The following MCF2L variants were observed in gnomAD, a reference collection of about 807,000 sequenced individuals.
MCF2L encodes guanine nucleotide exchange factor DBS.
Under a neutral mutation model 153.4 loss-of-function variants are expected in MCF2L, and 97 were observed. That is an observed-to-expected ratio of 0.63 (90% CI 0.54 to 0.75). The LOEUF is 0.75. MCF2L is among the 30% of genes least tolerant of loss of function. The pLI, the probability that MCF2L is intolerant of heterozygous loss-of-function variation, is 0.00. For missense variants in MCF2L, 1,347 were observed against 1,495.2 expected (o/e 0.90, Z 1.64); for synonymous variants, 659 against 632.2 (o/e 1.04, Z -0.64).
At chr13:113,066,217 C>T (rs752863240) in intron 8 of MCF2L, 47 bp downstream of exon 8, 2 of 1,546,390 alleles carry the variant, frequency 1.3e-6, no homozygotes, top group Non-Finnish European at 8.7e-7. Context: ...CAGTCCATGG[C>T]AGGATCCTCT....
chr13:112,973,359 A>G (rs1299191530), intron 1 of MCF2L, among the ~76,000 whole-genome samples: 1 of 152,218 alleles, frequency 6.6e-6, no homozygotes, highest in Non-Finnish European at 1.5e-5. Flanking sequence ...TTAGGTCTCT[A>G]ATTAGATAGG....
intron 15 of MCF2L, among the ~76,000 whole-genome samples, 193 bp from the exon 16 acceptor site, chr13:113,081,020 C>T (rs1031993603): frequency 5.9e-5 from 9 of 152,218 alleles, no homozygotes; most frequent in East Asian, 1.9e-4. Context: ...CTTCAGCCGC[C>T]GTCTGCAGGG....
chr13:112,939,260 C>T (rs1258696178), intron 2 of MCF2L, among the ~76,000 whole-genome samples: 2 of 152,302 alleles, frequency 1.3e-5, no homozygotes, highest in East Asian at 3.9e-4. Flanking sequence ...GCAGGTTTCT[C>T]AGCCTCCACG....
In MCF2L at chr13:113,016,616, C is replaced by T. The variant is rs190075382; in HGVS notation, c.163+1770C>T. The stretch of plus-strand genomic sequence containing the variant: ...GAGTCCCCTGTGGTACTGCTGCCCC[C>T]GCGTCATATGCTGCCCCCGCGTCGT... On this transcript the variant is annotated intron_variant, in intron 2 of 29. Transcript: ENST00000535094. Among the ~76,000 whole-genome samples, 808 of 146,198 alleles carry T rather than the reference C, an allele frequency of 5.5e-3. 9 individuals are homozygous for T. Among genetic ancestry groups the T allele is most frequent in the Non-Finnish European group, 8.1e-3 (530 of 65,228 alleles).
At chr13:112,919,396 G>A (rs938501769) in intron 2 of MCF2L, among the ~76,000 whole-genome samples, 1 of 151,444 alleles carries the variant, frequency 6.6e-6, no homozygotes, top group East Asian at 1.9e-4. Flanking sequence ...TAGTAGAGAC[G>A]GGGTTTCACC....
At chr13:112,985,539 G>A (rs1000130083) in intron 1 of MCF2L, 22 of 458,500 alleles carry the variant, frequency 4.8e-5, no homozygotes, top group African/African-American at 3.2e-4. Context: ...CAGTCGAGGC[G>A]GCCTCTGGGT....
At chr13:113,090,628 C>T in intron 26 of MCF2L, 1 of 985,462 alleles carries the variant, frequency 1.0e-6, no homozygotes, top group South Asian at 4.7e-5. Flanking sequence ...TGCGAGAGCT[C>T]CATGATGGGA....
chr13:112,999,392 A>ACGCCCTCTCCTTAGAGGACAGCCTCTGC (rs1347713535), intron 1 of MCF2L, among the ~76,000 whole-genome samples: 116 of 152,108 alleles, frequency 7.6e-4, no homozygotes, highest in Middle Eastern at 6.8e-3. Context: ...TCCCCACACG[A>ACGCCCTCTCCTTAGAGGACAGCCTCTGC]CGCCCTCTCC....
intron 2 of MCF2L, among the ~76,000 whole-genome samples, chr13:113,021,548 C>G (rs902541446): frequency 1.3e-5 from 2 of 152,198 alleles, no homozygotes; most frequent in Non-Finnish European, 2.9e-5. Flanking sequence ...TTCTGAACCA[C>G]AGAGGAGCTT....
rs2035827697 is a variant in MCF2L, at chr13:113,099,148, G to C, written c.*2289G>C. On this transcript the variant is annotated 3_prime_UTR_variant, in exon 30 of 30. Coordinates refer to ENST00000535094, the MANE Select transcript of MCF2L (RefSeq NM_001112732.3). Reference sequence around the variant, plus strand: ...ATGACCTGAAATGGGATTCAGGACAGTTCATAGAGTAAAGGGGGCTGCGTG... The same window carrying C: ...ATGACCTGAAATGGGATTCAGGACACTTCATAGAGTAAAGGGGGCTGCGTG... The C allele has an allele frequency of 6.6e-6, 1 of 152,240 alleles. No individual in the cohort carries two copies. The highest frequency in any genetic ancestry group is 6.5e-5 in the Admixed American group (1 of 15,284). 9.4% of individuals were successfully genotyped at this position (152,240 alleles called of 1,614,324 possible).
At chr13:112,897,018 G>A (rs969597420) in intron 1 of MCF2L, among the ~76,000 whole-genome samples, 1 of 152,168 alleles carries the variant, frequency 6.6e-6, no homozygotes, top group Non-Finnish European at 1.5e-5. Flanking sequence ...GAGGAGGCCA[G>A]GCCGGCAGAG....
chr13:113,084,850 C>T (rs1162931484), intron 18 of MCF2L, 42 bp from the exon 19 acceptor site: 1 of 1,472,058 alleles, frequency 6.8e-7, no homozygotes, highest in Non-Finnish European at 9.5e-7. Context: ...GATGCGCTGC[C>T]CATCCCTCAC....
At chr13:113,012,792 G>A (rs2084249710) in intron 1 of MCF2L, among the ~76,000 whole-genome samples, 2 of 109,892 alleles carry the variant, frequency 1.8e-5, no homozygotes, top group African/African-American at 6.9e-5. Context: ...TGGACACTGT[G>A]ATGCGGACGG....
In MCF2L at chr13:113,088,631, G is replaced by A. The variant is rs1456823789; in HGVS notation, c.2834+3G>A. ...CTGCCGGCCCCGACCAGCACCAGGTGAGAATGGACACGCTGCCGCAGGCCT... is the reference window on the plus strand; with the variant it reads ...CTGCCGGCCCCGACCAGCACCAGGTAAGAATGGACACGCTGCCGCAGGCCT... On this transcript the variant is annotated splice_donor_region_variant and intron_variant, in intron 25 of 29. Coordinates refer to ENST00000535094, the MANE Select transcript of MCF2L (RefSeq NM_001112732.3). 1.2e-6 allele frequency: 2 copies of A among 1,605,964 alleles called. No individual in the cohort carries two copies. The highest frequency in any genetic ancestry group is 2.2e-5 in the East Asian group (1 of 44,850).
At chr13:113,033,344 TTAGTGGACCCCGTGGC>T (rs1233402501) in intron 3 of MCF2L, among the ~76,000 whole-genome samples, 4 of 111,950 alleles carry the variant, frequency 3.6e-5, no homozygotes, top group Non-Finnish European at 7.2e-5. Context: ...CCCCGTGACA[TTAGTGGACCCCGTGGC>T]GTGAGTGGCC....
Position 113,097,035 on chromosome 13 carries a change from C to T in MCF2L, c.*176C>T. 2.5e-6 allele frequency: 1 copy of T among 401,698 alleles called. No individual in the cohort carries two copies. Among genetic ancestry groups the T allele is most frequent in the Non-Finnish European group, 4.3e-6 (1 of 232,432 alleles). 24.9% of individuals were successfully genotyped at this position (401,698 alleles called of 1,614,324 possible). A position where few individuals can be genotyped will look rare whatever the true frequency, so the allele number is the denominator to read the frequency against. On this transcript the variant is annotated 3_prime_UTR_variant, in exon 30 of 30. Transcript: ENST00000535094. ...AGGCAGGTTCCACGGAAGACCCCGGCCCGCTGGGGCTTCCCCGGAGACTCC... is the reference window on the plus strand; with the variant it reads ...AGGCAGGTTCCACGGAAGACCCCGGTCCGCTGGGGCTTCCCCGGAGACTCC...
chr13:113,027,280 T>C lies in MCF2L; in HGVS notation c.278+2522T>C, dbSNP rs1264338134. On this transcript the variant is annotated intron_variant, in intron 3 of 29. Coordinates refer to ENST00000535094, the MANE Select transcript of MCF2L (RefSeq NM_001112732.3). The surrounding 1 kb of genome is among the most constrained non-coding windows in gnomAD (Gnocchi z 4.8). ...CATTGATCCCCTGATAAATATCACA[T>C]AACCACCAGCTGGCAGCAGCCAGCC... Among the ~76,000 whole-genome samples the C allele has an allele frequency of 6.6e-6, 1 of 152,130 alleles. No individual in the cohort carries two copies. The highest frequency in any genetic ancestry group is 1.5e-5 in the Non-Finnish European group (1 of 68,030).
At chr13:113,006,685 C>A (rs1021934777) in intron 1 of MCF2L, among the ~76,000 whole-genome samples, 2 of 152,154 alleles carry the variant, frequency 1.3e-5, no homozygotes, top group East Asian at 3.9e-4. Flanking sequence ...TGGGGGCTGG[C>A]GGGAGACACT....
At chr13:113,060,177 C>T (rs973529214) in intron 4 of MCF2L, among the ~76,000 whole-genome samples, 3 of 152,182 alleles carry the variant, frequency 2.0e-5, no homozygotes, top group Admixed American at 6.5e-5. Context: ...GCTCTCCACG[C>T]GGTGCTGGGA....
Sources: allele counts gnomAD v4.1 joint callset (sites outside exome capture counted in the v4.1 genomes callset), GRCh38; gene constraint gnomAD v4.1.1; non-coding constraint Gnocchi (gnomAD v3.1); transcripts MANE v1.5; gene names NCBI Gene and HGNC (gene_info 2026-07-23, HGNC 2026-07-21).